RNF212B: variants seen among roughly 807,000 people sequenced by gnomAD.
The protein encoded by RNF212B is ring finger protein 212B.
A neutral mutation model predicts 55.5 loss-of-function variants in RNF212B; 52 were observed. The observed-to-expected ratio is 0.94, with a 90% CI of 0.75 to 1.18. The LOEUF (loss-of-function observed/expected upper bound fraction) is 1.18, where lower values mean the gene tolerates loss of function less well. Among genes scored for constraint, RNF212B ranks in the 50% most tolerant of loss-of-function variants. The pLI is 0.00. For missense variants in RNF212B, 289 were observed against 350.4 expected (o/e 0.82, Z 1.40); for synonymous variants, 99 against 121.4 (o/e 0.82, Z 1.21).
intron 7 of RNF212B, chr14:23,261,198 TG>T: frequency 3.2e-6 from 1 of 315,080 alleles, no homozygotes; most frequent in South Asian, 2.7e-5. Context: ...AAGTAACTTG[TG>T]GAATGCTGAG....
intron 7 of RNF212B, 86 bp downstream of exon 7, chr14:23,260,773 G>A (rs925442035): frequency 8.1e-5 from 96 of 1,191,562 alleles, no homozygotes; most frequent in Non-Finnish European, 1.1e-4. Context: ...CTCTGAGAGA[G>A]AGAAAATGGT....
intron 4 of RNF212B, among the ~76,000 whole-genome samples, chr14:23,246,306 G>A (rs1413610051): frequency 1.3e-5 from 2 of 151,966 alleles, no homozygotes; most frequent in Non-Finnish European, 2.9e-5. Flanking sequence ...ATAGTACCAG[G>A]AGCATAGAAG....
intron 11 of RNF212B, 83 bp downstream of exon 11, chr14:23,264,754 A>G (rs143143305): frequency 0.014 from 10,776 of 783,188 alleles, 100 homozygotes; most frequent in Non-Finnish European, 0.015. Flanking sequence ...TGCATAATAT[A>G]ATGCCATTTC....
intron 2 of RNF212B, among the ~76,000 whole-genome samples, chr14:23,224,526 T>G (rs1014122741): frequency 6.6e-6 from 1 of 152,164 alleles, no homozygotes; most frequent in Non-Finnish European, 1.5e-5. Context: ...CAGCAAATAG[T>G]GCTGGGAAAA....
Position 23,241,117 on chromosome 14 carries a change from C to T in RNF212B, c.100+672C>T, listed in dbSNP as rs1328463775. On this transcript the variant is annotated intron_variant, in intron 2 of 14. Coordinates refer to ENST00000430154, the MANE Select transcript of RNF212B (RefSeq NM_001282322.3). ...GACTTGGGGTAGGGTGTTTTGATCA[C>T]GGAAGACTTCACAGAAGGAGTGATT... Among the ~76,000 whole-genome samples, 6 of 151,782 alleles carry T rather than the reference C, an allele frequency of 4.0e-5. No homozygotes were observed. In the South Asian group the frequency reaches 8.3e-4, roughly 21 times the overall value.
intron 2 of RNF212B, among the ~76,000 whole-genome samples, chr14:23,213,481 G>C (rs1175974579): frequency 6.6e-6 from 1 of 152,108 alleles, no homozygotes; most frequent in Non-Finnish European, 1.5e-5. Flanking sequence ...TCCACCAGGA[G>C]TCATGAGGCG....
intron 2 of RNF212B, among the ~76,000 whole-genome samples, chr14:23,194,211 T>C (rs1463683494): frequency 6.6e-6 from 1 of 152,102 alleles, no homozygotes; most frequent in Non-Finnish European, 1.5e-5. Flanking sequence ...TACATAAACA[T>C]GGCAGCAATG....
intron 2 of RNF212B, among the ~76,000 whole-genome samples, chr14:23,216,233 G>C (rs34210072): frequency 6.6e-6 from 1 of 151,944 alleles, no homozygotes; most frequent in Non-Finnish European, 1.5e-5. Context: ...GTGACAGAGC[G>C]AGACTCCATT....
intron 2 of RNF212B, 55 bp downstream of exon 2, chr14:23,240,500 T>A: frequency 8.9e-7 from 1 of 1,121,878 alleles, no homozygotes; most frequent in Non-Finnish European, 1.3e-6. Context: ...TGTAAGGATG[T>A]AAGGAGTAGC....
At chr14:23,261,186 G>A in intron 7 of RNF212B, 1 of 308,106 alleles carries the variant, frequency 3.2e-6, no homozygotes, top group Non-Finnish European at 6.4e-6. Flanking sequence ...AAAGGAAGGA[G>A]GAAGTAACTT....
At chr14:23,232,241 G>A (rs968418226) in intron 2 of RNF212B, among the ~76,000 whole-genome samples, 4 of 148,762 alleles carry the variant, frequency 2.7e-5, no homozygotes, top group African/African-American at 1.0e-4. Flanking sequence ...TGTGGGGAGC[G>A]CCTCTGCCCC....
upstream of RNF212B, among the ~76,000 whole-genome samples, chr14:23,236,525 A>G (rs1883110470): frequency 6.7e-6 from 1 of 149,520 alleles, no homozygotes; most frequent in Admixed American, 6.6e-5. Context: ...AAAAAACAAC[A>G]ACAACAACAA....
At position 23,197,329 on chromosome 14, in the gene RNF212B, C is replaced by T. The variant is rs1878816287; in HGVS notation, c.-2+3928C>T. Among the ~76,000 whole-genome samples, 4 of 152,282 alleles carry T rather than the reference C, an allele frequency of 2.6e-5. No individual in the cohort carries two copies. In the South Asian group the frequency reaches 8.3e-4, roughly 32 times the overall value. On this transcript the variant is annotated intron_variant, in intron 2 of 15. Coordinates refer to the RNF212B transcript ENST00000399910. ...ATTTCATGAGGCCATGAGTTTGAGACCAGCCTGGCCAACATGGTGAAACCC... is the reference window on the plus strand; with the variant it reads ...ATTTCATGAGGCCATGAGTTTGAGATCAGCCTGGCCAACATGGTGAAACCC...
rs143176233 is a variant in RNF212B, at chr14:23,258,587, C to T, written c.267C>T (p.Ile89=). 1,458 of 1,545,240 alleles carry T rather than the reference C, an allele frequency of 9.4e-4. 4 individuals are homozygous for T. Among genetic ancestry groups the T allele is most frequent in the Non-Finnish European group, 5.8e-4 (669 of 1,144,482 alleles). Residue 89 remains isoleucine, a synonymous_variant, in exon 5 of 15, where the codon ATC becomes ATT. Transcript: ENST00000430154. The part of the protein sequence containing the change: ...SFQKKQTDLL[I]AFYKHRITKL... ...AGAAGAAACAAACAGATCTCCTCAT[C>T]GCCTTTTATAAGCATAGAATTACAA...
intron 4 of RNF212B, among the ~76,000 whole-genome samples, chr14:23,255,650 G>A (rs909905561): frequency 6.6e-6 from 1 of 151,992 alleles, no homozygotes; most frequent in African/African-American, 2.4e-5. Context: ...GGATTGTTTG[G>A]GACCAGGAGT....
At chr14:23,221,746 C>A (rs1336769996) in intron 2 of RNF212B, among the ~76,000 whole-genome samples, 2 of 152,110 alleles carry the variant, frequency 1.3e-5, no homozygotes, top group African/African-American at 4.8e-5. Flanking sequence ...GGTCACCAAA[C>A]AAATCTGAAA....
At chr14:23,193,762 A>G (rs1455240824) in intron 2 of RNF212B, among the ~76,000 whole-genome samples, 1 of 151,746 alleles carries the variant, frequency 6.6e-6, no homozygotes, top group African/African-American at 2.4e-5. Context: ...AAAAAAAAAA[A>G]AGGAAGAATG....
At chr14:23,254,209 C>T (rs1347264784) in intron 4 of RNF212B, among the ~76,000 whole-genome samples, 2 of 151,780 alleles carry the variant, frequency 1.3e-5, no homozygotes, top group East Asian at 3.9e-4. Context: ...CACTTGAGTC[C>T]AGGAGGTTGA....
At chr14:23,237,304 A>G (rs1340084022), upstream of RNF212B, among the ~76,000 whole-genome samples, 1 of 151,820 alleles carries the variant, frequency 6.6e-6, no homozygotes, top group Admixed American at 6.6e-5. Context: ...TAATTTTTGT[A>G]TTTTTAGTAG....
Sources: allele counts gnomAD v4.1 joint callset (sites outside exome capture counted in the v4.1 genomes callset), GRCh38; gene constraint gnomAD v4.1.1; transcripts MANE v1.5; gene names NCBI Gene and HGNC (gene_info 2026-07-23, HGNC 2026-07-21).